PLPP3: variants seen among roughly 807,000 people sequenced by gnomAD.
PLPP3 encodes PAP2 beta.
PLPP3 carries 6 observed loss-of-function variants against 29.6 expected under a neutral mutation model. That is an observed-to-expected ratio of 0.20 (90% CI 0.11 to 0.40). The LOEUF is 0.40. Among genes scored for constraint, PLPP3 ranks in the 10% least tolerant of loss-of-function variants. The pLI is 1.00. For missense variants in PLPP3, 308 were observed against 407.7 expected (o/e 0.76, Z 2.11); for synonymous variants, 152 against 159.7 (o/e 0.95, Z 0.36).
chr1:56,527,413 T>C (rs190298824), intron 2 of PLPP3, among the ~76,000 whole-genome samples: 2 of 152,184 alleles, frequency 1.3e-5, no homozygotes, highest in African/African-American at 2.4e-5. Flanking sequence ...TCTGAAGGAT[T>C]TGAGGCCAGT....
intron 2 of PLPP3, among the ~76,000 whole-genome samples, chr1:56,525,662 G>C (rs1645848089): frequency 6.6e-6 from 1 of 151,882 alleles, no homozygotes; most frequent in Non-Finnish European, 1.5e-5. Flanking sequence ...GCCACTTCCT[G>C]CTTGTAACCA....
intron 5 of PLPP3, among the ~76,000 whole-genome samples, chr1:56,509,832 C>CAAAAAAAAAAAA (rs59418227): frequency 1.2e-5 from 1 of 86,172 alleles, no homozygotes; most frequent in Non-Finnish European, 2.1e-5. Context: ...GCGAGACTCT[C>CAAAAAAAAAAAA]AAAAAAAAAA....
At position 56,500,254 on chromosome 1, in the gene PLPP3, G is replaced by A. The variant is rs79379307; in HGVS notation, c.811-3578C>T. The stretch of plus-strand genomic sequence containing the variant: ...ACCCTCAAGGAGTTTATAGGCCAAT[G>A]AGTTAGACAGCCAGGTAAACAGATG... On this transcript the variant is annotated intron_variant, in intron 5 of 5. Coordinates refer to ENST00000371250, the MANE Select transcript of PLPP3 (RefSeq NM_003713.5). Among the ~76,000 whole-genome samples, 72 of 152,288 alleles carry A rather than the reference G, an allele frequency of 4.7e-4. 1 individual carries two copies. In the East Asian group the frequency reaches 0.013, roughly 27 times the overall value.
At chr1:56,560,804 G>A (rs940319071) in intron 1 of PLPP3, among the ~76,000 whole-genome samples, 2 of 150,712 alleles carry the variant, frequency 1.3e-5, no homozygotes, top group Admixed American at 6.6e-5. Context: ...TTTCCCTTCA[G>A]GGGGTTTTCC....
At chr1:56,555,433 TAAAAAAAAA>T (rs66593221) in intron 1 of PLPP3, among the ~76,000 whole-genome samples, 2 of 33,214 alleles carry the variant, frequency 6.0e-5, no homozygotes, top group African/African-American at 1.6e-4. Context: ...GGCCAAACAC[TAAAAAAAAA>T]AAAAAAAAAA....
intron 1 of PLPP3, among the ~76,000 whole-genome samples, chr1:56,562,493 G>C (rs1215782204): frequency 6.6e-6 from 1 of 152,144 alleles, no homozygotes; most frequent in Non-Finnish European, 1.5e-5. Flanking sequence ...GGAGAAAAGA[G>C]AGCAAATTCA....
chr1:56,578,745 C>A, intron 1 of PLPP3, 133 bp downstream of exon 1: 1 of 1,018,860 alleles, frequency 9.8e-7, no homozygotes, highest in Non-Finnish European at 1.2e-6. Context: ...CAAAGGCTCC[C>A]CAGGAAGGCT....
chr1:56,557,011 AGAGAG>A lies in PLPP3; in HGVS notation c.140-19904_140-19900del, dbSNP rs1557513516. Among the ~76,000 whole-genome samples the A allele has an allele frequency of 3.8e-3, 60 of 15,938 alleles. 1 individual carries two copies. Among genetic ancestry groups the A allele is most frequent in the East Asian group, 4.9e-3 (4 of 812 alleles). 10.5% of individuals were successfully genotyped at this position (15,938 alleles called of 152,430 possible). A position where few individuals can be genotyped will look rare whatever the true frequency, so the allele number is the denominator to read the frequency against. ...GAAAGAAAGAAAGAAAGAAAGAAAG[AGAGAG>A]AGAGAGAGAAAGAGAGAGAGAGAGA... On this transcript the variant is annotated intron_variant, in intron 1 of 5. Coordinates refer to ENST00000371250, the MANE Select transcript of PLPP3 (RefSeq NM_003713.5).
In PLPP3 at chr1:56,496,633, G is replaced by C. The variant is rs746192689; in HGVS notation, c.854C>G (p.Ser285Cys). ...SDLFKTKTTL[S>C]LPAPAIRKEI... ...CTTCCGGATAGCAGGGGCAGGCAGG[G>C]AGAGCGTCGTCTTAGTCTTGAAGAG... is the stretch of plus-strand genomic sequence containing the variant. The change falls in exon 6 of 6, where the codon TCC (serine) becomes TGC (cysteine). Residue 285 changes from serine to cysteine, a missense_variant. By Grantham distance (112) the Ser-to-Cys change is moderately radical. Transcript: ENST00000371250. 3 of 1,613,784 alleles carry C rather than the reference G, an allele frequency of 1.9e-6. No homozygotes were observed. The African/African-American group carries it at 4.0e-5, about 22-fold the overall frequency.
At chr1:56,535,132 C>T (rs989252501) in intron 2 of PLPP3, among the ~76,000 whole-genome samples, 9 of 152,116 alleles carry the variant, frequency 5.9e-5, no homozygotes, top group Non-Finnish European at 7.4e-5. Context: ...TCATTTAATT[C>T]TCAAAACCTT....
intron 5 of PLPP3, among the ~76,000 whole-genome samples, chr1:56,502,243 T>C (rs1325834344): frequency 7.2e-5 from 11 of 152,230 alleles, no homozygotes; most frequent in Admixed American, 3.3e-4. Flanking sequence ...GGTCCCTGAG[T>C]GTAAGTGAAC....
rs966108780 is a variant in PLPP3, at chr1:56,538,671, T to C, written c.140-1559A>G. ...GCAGTGTTCCCCAGCATGCCGTTGG[T>C]ACTGTTGTAAACAAAAAAGTTAAGG... is the stretch of plus-strand genomic sequence containing the variant. On this transcript the variant is annotated intron_variant, in intron 1 of 5. Transcript: ENST00000371250. 1.0e-5 allele frequency: 3 copies of C among 291,420 alleles called. No individual in the cohort carries two copies. The South Asian group carries it at 1.4e-4, about 13-fold the overall frequency. 18.1% of individuals were successfully genotyped at this position (291,420 alleles called of 1,614,324 possible).
chr1:56,550,801 T>C (rs1273939943), intron 1 of PLPP3, among the ~76,000 whole-genome samples: 4 of 150,108 alleles, frequency 2.7e-5, no homozygotes, highest in African/African-American at 7.3e-5. Context: ...GGTATTGCCA[T>C]GACAGCTGCC....
intron 1 of PLPP3, among the ~76,000 whole-genome samples, chr1:56,545,597 A>C (rs1646000482): frequency 6.6e-6 from 1 of 152,198 alleles, no homozygotes. Context: ...TAGGGAAGAA[A>C]CATCACAGTG....
intron 1 of PLPP3, among the ~76,000 whole-genome samples, chr1:56,566,591 G>C (rs779149956): frequency 6.6e-6 from 1 of 152,154 alleles, no homozygotes; most frequent in Non-Finnish European, 1.5e-5. Context: ...CATATCAGCT[G>C]TAAGAACTTG....
chr1:56,530,303 A>G (rs1335800840), intron 2 of PLPP3, among the ~76,000 whole-genome samples: 8 of 116,432 alleles, frequency 6.9e-5, no homozygotes, highest in Non-Finnish European at 1.3e-4. Context: ...AATAGCTTCA[A>G]TTGTTACCTC....
chr1:56,515,051 A>G (rs934101730), intron 4 of PLPP3, among the ~76,000 whole-genome samples: 6 of 152,186 alleles, frequency 3.9e-5, no homozygotes, highest in African/African-American at 1.4e-4. Flanking sequence ...TCCCTCAGCT[A>G]TTCTTGGCAG....
At chr1:56,501,798 GA>G (rs869047676) in intron 5 of PLPP3, among the ~76,000 whole-genome samples, 8 of 152,222 alleles carry the variant, frequency 5.3e-5, no homozygotes, top group African/African-American at 1.2e-4. Flanking sequence ...AGAGAGGGGG[GA>G]AAAAAGAGTG....
intron 2 of PLPP3, among the ~76,000 whole-genome samples, chr1:56,533,116 A>G (rs1645901588): frequency 6.6e-6 from 1 of 150,684 alleles, no homozygotes; most frequent in Non-Finnish European, 1.5e-5. Flanking sequence ...GTGCAGTGGC[A>G]TGATCTTGGC....
Sources: gnomAD v4.1 joint callset for allele counts (sites outside exome capture counted in the v4.1 genomes callset) on GRCh38, gnomAD v4.1.1 for gene constraint, MANE v1.5 for transcripts, NCBI Gene and HGNC (gene_info 2026-07-23, HGNC 2026-07-21) for gene names.